The following ETV6 variants were observed in gnomAD, a reference collection of about 807,000 sequenced individuals.
ETV6 encodes transcription factor ETV6.
A neutral mutation model predicts 51.1 loss-of-function variants in ETV6; 16 were observed. That is an observed-to-expected ratio of 0.31 (90% CI 0.21 to 0.48). The LOEUF is 0.48. Among genes scored for constraint, ETV6 ranks in the 20% least tolerant of loss-of-function variants. The pLI is 0.99. For synonymous variants in ETV6, 240 were observed against 224.1 expected (o/e 1.07, Z -0.64); for missense variants, 458 against 594.8 (o/e 0.77, Z 2.39).
chr12:11,836,820 AC>A (rs1209936343), intron 2 of ETV6, among the ~76,000 whole-genome samples: 4 of 151,838 alleles, frequency 2.6e-5, no homozygotes, highest in Non-Finnish European at 5.9e-5. Flanking sequence ...CCAATAAGCC[AC>A]CCTGTACTTT....
chr12:11,767,643 G>T (rs1045070793), intron 2 of ETV6, among the ~76,000 whole-genome samples: 2 of 152,212 alleles, frequency 1.3e-5, no homozygotes, highest in Non-Finnish European at 2.9e-5. Context: ...GTAAAACTGG[G>T]AGAAATCAAA....
Position 11,708,542 on chromosome 12 carries a change from T to C in ETV6, c.34-43908T>C, listed in dbSNP as rs73288745. On this transcript the variant is annotated intron_variant, in intron 1 of 7. Transcript: ENST00000396373. ...ATCACAGACGGCCCAGACTCCCCCC[T>C]GTCTTGTGTACATTCCCTTCTACAA... Among the ~76,000 whole-genome samples the C allele has an allele frequency of 1.0e-2, 1,517 of 152,180 alleles. 22 individuals carry two copies. Among genetic ancestry groups the C allele is most frequent in the African/African-American group, 0.032 (1,307 of 41,488 alleles).
intron 2 of ETV6, among the ~76,000 whole-genome samples, chr12:11,760,067 G>T (rs1945063046): frequency 6.6e-6 from 1 of 152,090 alleles, no homozygotes; most frequent in Non-Finnish European, 1.5e-5. Context: ...TACCATGTGT[G>T]AGTGTTTTGT....
chr12:11,812,634 T>TC (rs1371022884), intron 2 of ETV6, among the ~76,000 whole-genome samples: 2 of 151,924 alleles, frequency 1.3e-5, no homozygotes, highest in African/African-American at 4.8e-5. Flanking sequence ...GGTCTCTTCT[T>TC]CCCCCGCCAC....
At chr12:11,775,007 G>A (rs1036162773) in intron 2 of ETV6, among the ~76,000 whole-genome samples, 1 of 152,204 alleles carries the variant, frequency 6.6e-6, no homozygotes, top group Non-Finnish European at 1.5e-5. Flanking sequence ...ATAAAAACAC[G>A]ATCTCTGCAG....
chr12:11,830,633 C>G (rs1315357303), intron 2 of ETV6, among the ~76,000 whole-genome samples: 1 of 152,192 alleles, frequency 6.6e-6, no homozygotes, highest in African/African-American at 2.4e-5. Flanking sequence ...GCAGAGCTGG[C>G]TCAGATGTGG....
intron 2 of ETV6, among the ~76,000 whole-genome samples, chr12:11,776,023 C>T (rs1234513352): frequency 6.6e-6 from 1 of 152,214 alleles, no homozygotes; most frequent in African/African-American, 2.4e-5. Context: ...ATCAAGCCTG[C>T]TAATTGTGCT....
At position 11,779,185 on chromosome 12, in the gene ETV6, C is replaced by T. The variant is rs765717574; in HGVS notation, c.163+26606C>T. ...CTGCGTATATTTGTGCATGCTTTCC[C>T]GAATAAGTCCTCTTTTAAAACTCAG... On this transcript the variant is annotated intron_variant, in intron 2 of 7. Coordinates refer to ENST00000396373, the MANE Select transcript of ETV6 (RefSeq NM_001987.5). Among the ~76,000 whole-genome samples the T allele has an allele frequency of 2.6e-5, 4 of 152,158 alleles. No homozygotes were observed. The East Asian group carries it at 5.8e-4, about 22-fold the overall frequency.
intron 1 of ETV6, among the ~76,000 whole-genome samples, chr12:11,735,084 GC>G (rs1300886990): frequency 9.5e-6 from 1 of 105,568 alleles, no homozygotes; most frequent in Admixed American, 1.2e-4. Context: ...TGGCAAGGTG[GC>G]CTTTTTTTTT....
chr12:11,725,810 C>T (rs931094449), intron 1 of ETV6, among the ~76,000 whole-genome samples: 15 of 152,182 alleles, frequency 9.9e-5, no homozygotes, highest in Non-Finnish European at 2.1e-4. Context: ...TCTCTTGCCA[C>T]GTGATCTCTG....
chr12:11,820,223 C>T (rs1946056508), intron 2 of ETV6, among the ~76,000 whole-genome samples: 1 of 152,218 alleles, frequency 6.6e-6, no homozygotes, highest in African/African-American at 2.4e-5. Context: ...GGAAACCTGA[C>T]TCCAGGCCCA....
Position 11,818,260 on chromosome 12 carries a change from G to A in ETV6, c.164-20880G>A, listed in dbSNP as rs543928380. On this transcript the variant is annotated intron_variant, in intron 2 of 7. Coordinates refer to ENST00000396373, the MANE Select transcript of ETV6 (RefSeq NM_001987.5). ...GGGCTGGGCACAGTGACTCACACCT[G>A]TAATCCCAGCACTTTGGGAGGCCAA... is the stretch of plus-strand genomic sequence containing the variant. Among the ~76,000 whole-genome samples, 5 of 152,332 alleles carry A rather than the reference G, an allele frequency of 3.3e-5. No homozygotes were observed. The South Asian group carries it at 1.0e-3, about 32-fold the overall frequency.
intron 2 of ETV6, among the ~76,000 whole-genome samples, chr12:11,773,970 C>T (rs1453776023): frequency 6.6e-6 from 1 of 152,132 alleles, no homozygotes; most frequent in East Asian, 1.9e-4. Flanking sequence ...GGTGCTGCCA[C>T]AGAGAAGAGA....
chr12:11,877,506 A>G (rs1023716325), intron 5 of ETV6, among the ~76,000 whole-genome samples: 3 of 152,164 alleles, frequency 2.0e-5, no homozygotes, highest in Admixed American at 1.3e-4. Context: ...CTGTGTTTGC[A>G]GGAAAGAAAA....
intron 2 of ETV6, among the ~76,000 whole-genome samples, chr12:11,791,576 C>A (rs1372697717): frequency 2.6e-5 from 4 of 152,164 alleles, no homozygotes; most frequent in Admixed American, 2.0e-4. Flanking sequence ...GCTTTGTATT[C>A]GTGTCCAGTT....
intron 2 of ETV6, among the ~76,000 whole-genome samples, chr12:11,770,536 A>G (rs1229129162): frequency 1.3e-5 from 2 of 152,180 alleles, no homozygotes; most frequent in African/African-American, 2.4e-5. Flanking sequence ...AGAGAGGGTC[A>G]TATCTAGCCA....
intron 1 of ETV6, among the ~76,000 whole-genome samples, chr12:11,688,708 G>A (rs988076104): frequency 6.6e-6 from 1 of 152,206 alleles, no homozygotes; most frequent in Non-Finnish European, 1.5e-5. Flanking sequence ...AACCCCAGGA[G>A]GAGTGTGGTA....
intron 2 of ETV6, among the ~76,000 whole-genome samples, chr12:11,822,992 C>T (rs977665319): frequency 4.6e-5 from 7 of 152,150 alleles, no homozygotes; most frequent in Admixed American, 6.5e-5. Context: ...CATCCTCCGA[C>T]GAGACTGGCA....
chr12:11,652,847 G>C (rs1245385906), intron 1 of ETV6, among the ~76,000 whole-genome samples: 10 of 152,176 alleles, frequency 6.6e-5, no homozygotes, highest in Admixed American at 6.5e-5. Flanking sequence ...GTGGTCGCTC[G>C]CAATGAATGC....
Sources: gnomAD v4.1 joint callset for allele counts (sites outside exome capture counted in the v4.1 genomes callset) on GRCh38, gnomAD v4.1.1 for gene constraint, MANE v1.5 for transcripts, NCBI Gene and HGNC (gene_info 2026-07-23, HGNC 2026-07-21) for gene names.